COPA: variants seen among roughly 807,000 people sequenced by gnomAD.
COPA encodes coat protein complex I subunit alpha.
In COPA, 10 loss-of-function variants were observed where a neutral mutation model predicts 158.7. That is an observed-to-expected ratio of 0.06 (90% CI 0.04 to 0.11). The LOEUF (loss-of-function observed/expected upper bound fraction) is 0.11, where lower values mean the gene tolerates loss of function less well. Among genes scored for constraint, COPA ranks in the 10% least tolerant of loss-of-function variants. The pLI, the probability that COPA is intolerant of heterozygous loss-of-function variation, is 1.00. For missense variants in COPA, 1,065 were observed against 1,536.7 expected (o/e 0.69, Z 5.13); for synonymous variants, 462 against 542.8 (o/e 0.85, Z 2.07).
chr1:160,341,187 G>A (rs1648025556), intron 1 of COPA, among the ~76,000 whole-genome samples: 1 of 152,192 alleles, frequency 6.6e-6, no homozygotes, highest in Admixed American at 6.5e-5. Flanking sequence ...AGTCCCCAGA[G>A]GTAACAACTA....
At chr1:160,331,915 T>C (rs1414353373) in intron 6 of COPA, among the ~76,000 whole-genome samples, 1 of 149,712 alleles carries the variant, frequency 6.7e-6, no homozygotes, top group Admixed American at 6.7e-5. Context: ...ACCACTGCGC[T>C]CCAGCCTGGG....
intron 19 of COPA, 135 bp downstream of exon 19, chr1:160,298,710 A>T: frequency 9.1e-7 from 1 of 1,094,828 alleles, no homozygotes; most frequent in Non-Finnish European, 1.3e-6. Flanking sequence ...AAGATGGCTC[A>T]ATGTAACAAC....
chr1:160,320,237 T>A (rs1008485707), intron 8 of COPA, among the ~76,000 whole-genome samples: 1 of 152,066 alleles, frequency 6.6e-6, no homozygotes, highest in African/African-American at 2.4e-5. Context: ...CATTAGAAAC[T>A]ATTACGAGAA....
At chr1:160,317,688 G>C in intron 8 of COPA, 2 of 1,484,738 alleles carry the variant, frequency 1.3e-6, no homozygotes, top group Non-Finnish European at 1.9e-6. Context: ...AACAAATGGG[G>C]GGTCATTCAA....
At position 160,333,626 on chromosome 1, in the gene COPA, G is replaced by A. The variant is rs1802778; in HGVS notation, c.363C>T (p.Asn121=). The A allele has an allele frequency of 0.56, 907,849 of 1,609,418 alleles. 262,119 individuals are homozygous for A. Among genetic ancestry groups the A allele is most frequent in the African/African-American group, 0.87 (64,837 of 74,920 alleles). The part of the protein sequence containing the change: ...ASDDQTIRVW[N]WQSRTCVCVL... ...ACCAAACACAGGTTCTAGATTGCCA[G>A]TTCCACACTCGGATGGTCTGATCAT... Residue 121 remains asparagine, a synonymous_variant, in exon 5 of 33, where the codon AAC becomes AAT. Transcript: ENST00000241704.
chr1:160,326,835 T>C (rs1647246132), intron 6 of COPA, among the ~76,000 whole-genome samples: 1 of 152,216 alleles, frequency 6.6e-6, no homozygotes, highest in Non-Finnish European at 1.5e-5. Context: ...CTAGTTTTAC[T>C]GGGAGGAATT....
chr1:160,301,176 C>A (rs1658589715), intron 17 of COPA, among the ~76,000 whole-genome samples: 1 of 151,942 alleles, frequency 6.6e-6, no homozygotes, highest in Non-Finnish European at 1.5e-5. Context: ...AAAAAAAAAT[C>A]AATTTAATTC....
Position 160,340,306 on chromosome 1 carries a change from A to G in COPA, c.41-12T>C, listed in dbSNP as rs1169362538. The G allele has an allele frequency of 6.4e-7, 1 of 1,561,008 alleles. No homozygotes were observed. The highest frequency in any genetic ancestry group is 8.8e-7 in the Non-Finnish European group (1 of 1,134,060). On this transcript the variant is annotated splice_polypyrimidine_tract_variant and intron_variant, in intron 1 of 32. Coordinates refer to ENST00000241704, the MANE Select transcript of COPA (RefSeq NM_004371.4). ...GTGAAAGCTGAGCCCTGAAAAAAAT[A>G]GAAAATGATACAATGAGCTAACTAA...
intron 29 of COPA, 27 bp downstream of exon 29, chr1:160,291,985 A>T (rs775927503): frequency 1.2e-6 from 2 of 1,614,174 alleles, no homozygotes; most frequent in African/African-American, 2.7e-5. Flanking sequence ...AGTGCCCAGA[A>T]CTGGGACAGC....
rs369556147 is a variant in COPA, at chr1:160,334,434, T to C, written c.310-755A>G. ...GCAAGGGTCTTCAGGAAGTCCTTTA[T>C]GGCAATGACAAATAATTCCTACTTA... On this transcript the variant is annotated intron_variant, in intron 4 of 32. Coordinates refer to ENST00000241704, the MANE Select transcript of COPA (RefSeq NM_004371.4). Among the ~76,000 whole-genome samples the C allele has an allele frequency of 1.1e-4, 16 of 152,344 alleles. No homozygotes were observed. The East Asian group carries it at 1.3e-3, about 13-fold the overall frequency.
chr1:160,307,153 C>T lies in COPA; in HGVS notation c.1302+10G>A, dbSNP rs899725019. 7 of 1,613,760 alleles carry T rather than the reference C, an allele frequency of 4.3e-6. No individual in the cohort carries two copies. The African/African-American group carries it at 9.3e-5, about 22-fold the overall frequency. ...CCCCAAATTAGTTTCTGCTTTTAGT[C>T]TTAACTCACCGAATGCATCCGATCT... On this transcript the variant is annotated intron_variant, in intron 14 of 32. Coordinates refer to ENST00000241704, the MANE Select transcript of COPA (RefSeq NM_004371.4).
chr1:160,295,235 TG>T (rs1447041083), intron 23 of COPA, among the ~76,000 whole-genome samples: 3 of 151,320 alleles, frequency 2.0e-5, no homozygotes, highest in Admixed American at 2.0e-4. Flanking sequence ...GAGAAAAGAG[TG>T]GGGTTTGGCA....
At position 160,317,652 on chromosome 1, in the gene COPA, A is replaced by C. The variant is rs1557869649; in HGVS notation, c.707-3527T>G. ...CTCCAAAAGAACTGGGAATGGAGGA[A>C]GAAGATGTGATTGAAGTTTATCAGG... On this transcript the variant is annotated intron_variant, in intron 8 of 32. Transcript: ENST00000241704. The C allele has an allele frequency of 3.7e-5, 56 of 1,524,402 alleles. No individual in the cohort carries two copies. The East Asian group carries it at 1.2e-3, about 34-fold the overall frequency. 94.4% of individuals were successfully genotyped at this position (1,524,402 alleles called of 1,614,324 possible).
intron 8 of COPA, among the ~76,000 whole-genome samples, chr1:160,319,759 C>T (rs1287932610): frequency 1.3e-5 from 2 of 151,522 alleles, no homozygotes; most frequent in Non-Finnish European, 2.9e-5. Flanking sequence ...AGTTAAACAA[C>T]ATGTTCCTGA....
At position 160,341,970 on chromosome 1, in the gene COPA, A is replaced by G. The variant is rs150652383; in HGVS notation, c.40+1161T>C. Among the ~76,000 whole-genome samples, 79 of 152,322 alleles carry G rather than the reference A, an allele frequency of 5.2e-4. 1 individual carries two copies. The East Asian group carries it at 0.013, about 26-fold the overall frequency. ...TGAAGACCCATTTCACATTTCACCT[A>G]TACAGGTCTCAGAAATTCTTAATGG... On this transcript the variant is annotated intron_variant, in intron 1 of 32. Transcript: ENST00000241704.
intron 19 of COPA, 128 bp downstream of exon 19, chr1:160,298,717 C>T: frequency 8.2e-7 from 1 of 1,216,748 alleles, no homozygotes; most frequent in Admixed American, 2.3e-5. Flanking sequence ...CTCAATGTAA[C>T]AACTAAAAAA....
Position 160,323,501 on chromosome 1 carries a change from G to A in COPA, c.636C>T (p.Ala212=). The A allele has an allele frequency of 6.2e-7, 1 of 1,610,772 alleles. No individual in the cohort carries two copies. Among genetic ancestry groups the A allele is most frequent in the East Asian group, 2.2e-5 (1 of 44,698 alleles). ...CAATAAGGGGCATAGTGGGGTGGAA[G>A]GCAGCCCAGTTTACTCCACGATCGT... The part of the protein sequence containing the change: ...EGHDRGVNWA[A]FHPTMPLIVS... The change falls in exon 8 of 33, where the codon GCC becomes GCT. Residue 212 remains alanine, a synonymous_variant. Coordinates refer to ENST00000241704, the MANE Select transcript of COPA (RefSeq NM_004371.4).
intron 6 of COPA, among the ~76,000 whole-genome samples, chr1:160,329,350 T>C (rs993991661): frequency 6.6e-6 from 1 of 152,230 alleles, no homozygotes; most frequent in Non-Finnish European, 1.5e-5. Context: ...ATTGCAAGGT[T>C]ATTACATAGT....
chr1:160,322,989 GCA>G (rs112126446), intron 8 of COPA, among the ~76,000 whole-genome samples: 3,103 of 144,848 alleles, frequency 0.021, 52 homozygotes, highest in Admixed American at 0.03. Flanking sequence ...ACGCGCACGT[GCA>G]CACACACACA....
Sources: gnomAD v4.1 joint callset for allele counts (sites outside exome capture counted in the v4.1 genomes callset) on GRCh38, gnomAD v4.1.1 for gene constraint, MANE v1.5 for transcripts, NCBI Gene and HGNC (gene_info 2026-07-23, HGNC 2026-07-21) for gene names.